The following RAB3GAP2 variants were observed in gnomAD, a reference collection of about 807,000 sequenced individuals.
RAB3GAP2 encodes RAB3 GTPase activating non-catalytic protein subunit 2.
RAB3GAP2 carries 87 observed loss-of-function variants against 185.3 expected under a neutral mutation model. The observed-to-expected ratio is 0.47, with a 90% CI of 0.39 to 0.56. The LOEUF is 0.56. Among genes scored for constraint, RAB3GAP2 ranks in the 20% least tolerant of loss-of-function variants. The pLI, the probability that RAB3GAP2 is intolerant of heterozygous loss-of-function variation, is 0.00. For synonymous variants in RAB3GAP2, 554 were observed against 576.1 expected (o/e 0.96, Z 0.55); for missense variants, 1,492 against 1,638.2 (o/e 0.91, Z 1.54).
At chr1:220,231,966 T>C (rs1659509214) in intron 2 of RAB3GAP2, among the ~76,000 whole-genome samples, 1 of 152,228 alleles carries the variant, frequency 6.6e-6, no homozygotes, top group Non-Finnish European at 1.5e-5. Flanking sequence ...GACTTCCTTC[T>C]ATGTAAGCGA....
At chr1:220,243,123 G>C (rs1169522786) in intron 1 of RAB3GAP2, among the ~76,000 whole-genome samples, 1 of 152,078 alleles carries the variant, frequency 6.6e-6, no homozygotes, top group Non-Finnish European at 1.5e-5. Flanking sequence ...GGGAGGCCGA[G>C]GGGGGCGGAT....
chr1:220,151,817 A>G (rs1657763272), intron 33 of RAB3GAP2, 53 bp from the exon 34 acceptor site: 1 of 1,531,942 alleles, frequency 6.5e-7, no homozygotes, highest in South Asian at 1.1e-5. Context: ...AGATTTGTTT[A>G]TTCTATAGGA....
intron 13 of RAB3GAP2, among the ~76,000 whole-genome samples, chr1:220,191,602 T>C (rs1290493989): frequency 1.3e-5 from 2 of 152,026 alleles, no homozygotes; most frequent in Non-Finnish European, 2.9e-5. Context: ...GTGGATCACC[T>C]GAGGTCAGGA....
intron 7 of RAB3GAP2, among the ~76,000 whole-genome samples, chr1:220,208,739 C>T (rs182976712): frequency 1.4e-3 from 212 of 151,060 alleles, no homozygotes; most frequent in African/African-American, 4.8e-3. Flanking sequence ...TTTTTTGAGA[C>T]GGAGTCTCGC....
intron 32 of RAB3GAP2, 48 bp downstream of exon 32, chr1:220,153,920 G>GC: frequency 6.3e-7 from 1 of 1,584,680 alleles, no homozygotes; most frequent in Non-Finnish European, 8.6e-7. Context: ...TTTCCCTTAT[G>GC]TTTTTTTTTC....
intron 24 of RAB3GAP2, among the ~76,000 whole-genome samples, chr1:220,169,809 C>G (rs12031256): frequency 0.027 from 4,074 of 152,142 alleles, 71 homozygotes; most frequent in South Asian, 0.038. Context: ...AAAATTAAAA[C>G]TGATAAATTA....
At chr1:220,237,104 A>T (rs10495145) in intron 1 of RAB3GAP2, among the ~76,000 whole-genome samples, 6,305 of 152,276 alleles carry the variant, frequency 0.041, 273 homozygotes, top group East Asian at 0.2. Context: ...CTCTGGTATA[A>T]CTTAAAAAGG....
At position 220,195,021 on chromosome 1, in the gene RAB3GAP2, T is replaced by C. The variant is rs1658696800; in HGVS notation, c.1130+57A>G. On this transcript the variant is annotated intron_variant, in intron 12 of 34. Coordinates refer to ENST00000358951, the MANE Select transcript of RAB3GAP2 (RefSeq NM_012414.4). ...ATCAACCAAGCACACGGAAAGACCA[T>C]ACATTTAACAGTACCTTTCTAAAAG... is the stretch of plus-strand genomic sequence containing the variant. 4.7e-6 allele frequency: 7 copies of C among 1,494,854 alleles called. 1 individual carries two copies. In the Admixed American group the frequency reaches 8.4e-5, roughly 18 times the overall value. The allele number at this position is 1,494,854 out of a possible 1,614,324, so 92.6% of individuals were successfully genotyped here. A position where few individuals can be genotyped will look rare whatever the true frequency, so the allele number is the denominator to read the frequency against.
intron 2 of RAB3GAP2, 142 bp downstream of exon 2, chr1:220,232,657 T>C: frequency 4.1e-6 from 3 of 740,630 alleles, no homozygotes; most frequent in East Asian, 2.6e-5. Flanking sequence ...AGAAGAGGTA[T>C]CTAGTTAAGT....
At chr1:220,254,708 T>G (rs533084744) in intron 1 of RAB3GAP2, among the ~76,000 whole-genome samples, 1 of 152,132 alleles carries the variant, frequency 6.6e-6, no homozygotes, top group East Asian at 1.9e-4. Context: ...GCTCCTTTTT[T>G]CTTTTCTTTT....
chr1:220,172,759 A>G lies in RAB3GAP2; in HGVS notation c.2311-17T>C. 6.4e-7 allele frequency: 1 copy of G among 1,567,942 alleles called. No individual in the cohort carries two copies. Among genetic ancestry groups the G allele is most frequent in the Non-Finnish European group, 8.8e-7 (1 of 1,138,084 alleles). ...GAGCAGAGACTGAAATCAAATTTAAATCTTTTTCAGTCTAAAAAAAAATTT... is the reference window on the plus strand; with the variant it reads ...GAGCAGAGACTGAAATCAAATTTAAGTCTTTTTCAGTCTAAAAAAAAATTT... On this transcript the variant is annotated splice_polypyrimidine_tract_variant and intron_variant, in intron 21 of 34. Transcript: ENST00000358951.
intron 27 of RAB3GAP2, among the ~76,000 whole-genome samples, chr1:220,162,632 G>A (rs146227567): frequency 1.3e-5 from 2 of 152,268 alleles, no homozygotes; most frequent in African/African-American, 4.8e-5. Flanking sequence ...TGGAACAAAT[G>A]GAACACTCAT....
intron 1 of RAB3GAP2, among the ~76,000 whole-genome samples, chr1:220,250,022 C>G (rs900081308): frequency 1.3e-5 from 2 of 152,212 alleles, no homozygotes; most frequent in Non-Finnish European, 2.9e-5. Flanking sequence ...TACAAGCCCC[C>G]ACACAGAGTC....
intron 21 of RAB3GAP2, among the ~76,000 whole-genome samples, chr1:220,176,407 G>A (rs1348286304): frequency 2.0e-5 from 3 of 152,098 alleles, no homozygotes; most frequent in Non-Finnish European, 2.9e-5. Flanking sequence ...TGGTTGATCT[G>A]TCCCCCTGAA....
intron 19 of RAB3GAP2, 113 bp downstream of exon 19, chr1:220,183,923 C>A (rs2102866007): frequency 2.2e-6 from 2 of 907,262 alleles, no homozygotes; most frequent in African/African-American, 1.7e-5. Context: ...GGAAAATATA[C>A]CTTTAAAGCT....
chr1:220,177,409 C>T (rs2577127), intron 21 of RAB3GAP2, among the ~76,000 whole-genome samples: 140,247 of 152,204 alleles, frequency 0.92, 64,781 homozygotes, highest in African/African-American at 0.96. Context: ...ACAATACCAT[C>T]GTACTACCAC....
chr1:220,170,940 C>T lies in RAB3GAP2; in HGVS notation c.2758G>A (p.Glu920Lys). 2 of 1,614,194 alleles carry T rather than the reference C, an allele frequency of 1.2e-6. No individual in the cohort carries two copies. The highest frequency in any genetic ancestry group is 1.7e-5 in the Admixed American group (1 of 60,024). ...QTSKVSSLQAEPLPRLSVKKL... is the reference protein window; with the variant it reads ...QTSKVSSLQAKPLPRLSVKKL... Reference sequence around the variant, plus strand: ...TTAACAGAAAGCCTTGGAAGTGGCTCAGCCTGCAGTGATGACACTTTGGAG... The same window carrying T: ...TTAACAGAAAGCCTTGGAAGTGGCTTAGCCTGCAGTGATGACACTTTGGAG... Residue 920 changes from glutamate to lysine, a missense_variant, in exon 24 of 35, where the codon GAG becomes AAG. Glu to Lys is a moderately conservative substitution (Grantham distance 56). Transcript: ENST00000358951.
chr1:220,195,194 A>C, intron 11 of RAB3GAP2, 27 bp from the exon 12 acceptor site: 2 of 1,612,596 alleles, frequency 1.2e-6, no homozygotes, highest in Non-Finnish European at 1.7e-6. Flanking sequence ...CTTAGAATAT[A>C]AAACTGAGCT....
At position 220,247,129 on chromosome 1, in the gene RAB3GAP2, G is replaced by GA. The variant is rs1484291128; in HGVS notation, c.116-14267dup. Reference sequence around the variant, plus strand: ...CAATAGATGTTGGCATGGATGTGTTGAAAAAGGGACACTCTTACACTGCTG... The same window carrying GA: ...CAATAGATGTTGGCATGGATGTGTTGAAAAAAGGGACACTCTTACACTGCTG... On this transcript the variant is annotated intron_variant, in intron 1 of 34. Coordinates refer to ENST00000358951, the MANE Select transcript of RAB3GAP2 (RefSeq NM_012414.4). 2.6e-5 allele frequency among the ~76,000 whole-genome samples: 4 copies of GA among 152,108 alleles called. 1 individual carries two copies. The South Asian group carries it at 8.3e-4, about 32-fold the overall frequency.
Sources: gnomAD v4.1 joint callset for allele counts (sites outside exome capture counted in the v4.1 genomes callset) on GRCh38, gnomAD v4.1.1 for gene constraint, MANE v1.5 for transcripts, NCBI Gene and HGNC (gene_info 2026-07-23, HGNC 2026-07-21) for gene names.